Variants in NEBL observed in about 807,000 individuals in gnomAD.
NEBL encodes nebulette.
In NEBL, 122 loss-of-function variants were observed where a neutral mutation model predicts 140.2. The ratio of observed to expected loss-of-function variants is 0.87; its 90% CI spans 0.75 to 1.01. The LOEUF is 1.01. NEBL is among the 50% of genes least tolerant of loss of function. The pLI is 0.00. For missense variants in NEBL, 1,365 were observed against 1,231.3 expected (o/e 1.11, Z -1.62); for synonymous variants, 436 against 398.9 (o/e 1.09, Z -1.11).
intron 2 of NEBL, among the ~76,000 whole-genome samples, chr10:21,089,152 GT>G (rs1014806709): frequency 5.9e-5 from 9 of 152,000 alleles, no homozygotes; most frequent in African/African-American, 1.9e-4. Context: ...GGACATTTGA[GT>G]TTTCTGCTTG....
chr10:20,851,726 A>C (rs1418617251), intron 10 of NEBL, among the ~76,000 whole-genome samples: 4 of 152,186 alleles, frequency 2.6e-5, no homozygotes, highest in Non-Finnish European at 5.9e-5. Flanking sequence ...CAGAGGTTGC[A>C]GTGAACCGAG....
At chr10:21,259,650 A>T (rs1842711621) in intron 1 of NEBL, among the ~76,000 whole-genome samples, 1 of 152,140 alleles carries the variant, frequency 6.6e-6, no homozygotes, top group Non-Finnish European at 1.5e-5. Context: ...CCTGGTGGCA[A>T]AGCCTTGTGT....
chr10:20,896,440 G>C (rs1299280781), intron 2 of NEBL, among the ~76,000 whole-genome samples: 1 of 139,266 alleles, frequency 7.2e-6, no homozygotes, highest in African/African-American at 2.7e-5. Flanking sequence ...TAGCAAGCAG[G>C]TCAGTAATCA....
intron 3 of NEBL, among the ~76,000 whole-genome samples, chr10:21,000,412 C>A (rs914514216): frequency 3.3e-5 from 5 of 152,022 alleles, no homozygotes; most frequent in African/African-American, 1.2e-4. Context: ...CCCCATTAGT[C>A]CCCTGTCAAA....
intron 3 of NEBL, among the ~76,000 whole-genome samples, chr10:21,246,678 TA>T (rs575816489): frequency 6.1e-4 from 93 of 151,686 alleles, no homozygotes; most frequent in African/African-American, 2.1e-3. Context: ...AAAATTAAAA[TA>T]AAAAAATCAT....
intron 1 of NEBL, among the ~76,000 whole-genome samples, chr10:21,271,824 C>T (rs1284012132): frequency 6.6e-6 from 1 of 152,046 alleles, no homozygotes; most frequent in Non-Finnish European, 1.5e-5. Flanking sequence ...CTGCGCCCTG[C>T]CGAGAATAGA....
chr10:21,111,593 A>G (rs1838016339), intron 2 of NEBL, among the ~76,000 whole-genome samples: 1 of 151,210 alleles, frequency 6.6e-6, no homozygotes, highest in Non-Finnish European at 1.5e-5. Flanking sequence ...AATTAATTCA[A>G]GTTGGATTAA....
intron 4 of NEBL, among the ~76,000 whole-genome samples, chr10:20,957,998 G>T (rs1051467465): frequency 2.0e-5 from 3 of 152,158 alleles, no homozygotes; most frequent in Non-Finnish European, 4.4e-5. Flanking sequence ...ATTTTCCCAA[G>T]GCTAGCCTGA....
chr10:21,030,391 T>A, intron 2 of NEBL: 1 of 614,094 alleles, frequency 1.6e-6, no homozygotes, highest in Non-Finnish European at 3.0e-6. Context: ...GGAGAGAGAC[T>A]GAAAAGTCTC....
At chr10:21,113,178 G>C (rs1838116273) in intron 2 of NEBL, 1 of 297,428 alleles carries the variant, frequency 3.4e-6, no homozygotes, top group Admixed American at 4.1e-5. Context: ...TGAAGAAAAA[G>C]TGCCAGTGAA....
chr10:21,214,594 CACAT>C (rs1332363656), intron 3 of NEBL, among the ~76,000 whole-genome samples: 2 of 150,692 alleles, frequency 1.3e-5, no homozygotes, highest in African/African-American at 2.5e-5. Context: ...ACATTACACA[CACAT>C]ATACACATGC....
chr10:21,242,455 C>T (rs903116544), intron 3 of NEBL, among the ~76,000 whole-genome samples: 1 of 152,012 alleles, frequency 6.6e-6, no homozygotes, highest in African/African-American at 2.4e-5. Flanking sequence ...TAACAGACAC[C>T]GGGGCCTGAT....
chr10:20,861,715 T>C (rs1336051216), intron 7 of NEBL, among the ~76,000 whole-genome samples: 1 of 152,176 alleles, frequency 6.6e-6, no homozygotes, highest in African/African-American at 2.4e-5. Flanking sequence ...CATCATACTG[T>C]TTTTGCAAAC....
intron 3 of NEBL, among the ~76,000 whole-genome samples, chr10:21,006,325 G>A (rs75722039): frequency 0.014 from 2,122 of 152,238 alleles, 45 homozygotes; most frequent in African/African-American, 0.048. Context: ...AGAACAAAAC[G>A]TATTTGTGTC....
chr10:21,196,588 G>A (rs1022667386), intron 3 of NEBL, among the ~76,000 whole-genome samples: 14 of 151,692 alleles, frequency 9.2e-5, no homozygotes, highest in South Asian at 2.1e-4. Flanking sequence ...CCAGTGATCC[G>A]CCCGCCTCAG....
Position 21,070,056 on chromosome 10 carries a change from A to G in NEBL, c.165-49855T>C, listed in dbSNP as rs780910510. The stretch of plus-strand genomic sequence containing the variant: ...CGGTGTCACCTCCACACAAAGCCTC[A>G]CACTTCGGGACAGGAAGGAAAGAAT... On this transcript the variant is annotated intron_variant, in intron 2 of 6. Coordinates refer to the NEBL transcript ENST00000417816. 88 of 454,408 alleles carry G rather than the reference A, an allele frequency of 1.9e-4. 1 individual carries two copies. Among genetic ancestry groups the G allele is most frequent in the Non-Finnish European group, 2.3e-4 (53 of 226,562 alleles). The allele number at this position is 454,408 out of a possible 1,614,324, so 28.1% of individuals were successfully genotyped here.
intron 2 of NEBL, among the ~76,000 whole-genome samples, chr10:21,081,832 G>A (rs965951166): frequency 1.3e-5 from 2 of 152,164 alleles, no homozygotes; most frequent in African/African-American, 2.4e-5. Flanking sequence ...CCATGGGCCA[G>A]GTGTGGAACA....
intron 3 of NEBL, among the ~76,000 whole-genome samples, chr10:21,237,790 AG>A (rs1249441377): frequency 6.6e-6 from 1 of 151,914 alleles, no homozygotes; most frequent in Non-Finnish European, 1.5e-5. Flanking sequence ...TATTTTTAAT[AG>A]AGACTGGGTT....
chr10:20,851,589 T>A (rs1318680921), intron 10 of NEBL, among the ~76,000 whole-genome samples: 2 of 147,312 alleles, frequency 1.4e-5, no homozygotes, highest in African/African-American at 5.0e-5. Flanking sequence ...GCCTGGCCAA[T>A]ATAGTGAAAC....
Sources: allele counts gnomAD v4.1 joint callset (sites outside exome capture counted in the v4.1 genomes callset), GRCh38; gene constraint gnomAD v4.1.1; transcripts MANE v1.5; gene names NCBI Gene and HGNC (gene_info 2026-07-23, HGNC 2026-07-21).